Variants in PIGN observed in about 807,000 individuals in gnomAD.
The protein encoded by PIGN is GPI ethanolamine phosphate transferase 1.
Under a neutral mutation model 125.4 loss-of-function variants are expected in PIGN, and 117 were observed. The observed-to-expected ratio is 0.93, with a 90% CI of 0.80 to 1.09. The LOEUF (loss-of-function observed/expected upper bound fraction) is 1.09, where lower values mean the gene tolerates loss of function less well. PIGN is among the 50% of genes least tolerant of loss of function. The probability of loss-of-function intolerance (pLI) is 0.00; values close to 1 mark genes in which losing one functional copy is unlikely to be tolerated. For synonymous variants in PIGN, 392 were observed against 377.8 expected, an observed-to-expected ratio of 1.04 and a Z score of -0.44; for missense variants, 1,075 against 1,094.9, an observed-to-expected ratio of 0.98 and a Z score of 0.26.
At chr18:62,176,468 C>T (rs1256086723) in intron 1 of PIGN, among the ~76,000 whole-genome samples, 1 of 151,828 alleles carries the variant, frequency 6.6e-6, no homozygotes. Flanking sequence ...AAAATACTAA[C>T]AATGGAGAAA....
intron 30 of PIGN, among the ~76,000 whole-genome samples, chr18:62,063,707 T>C (rs2032334645): frequency 6.7e-6 from 1 of 149,332 alleles, no homozygotes; most frequent in Non-Finnish European, 1.5e-5. Flanking sequence ...GACAGACATA[T>C]GAAAATGTGG....
At chr18:62,077,250 T>A (rs2033220160) in intron 28 of PIGN, among the ~76,000 whole-genome samples, 2 of 152,018 alleles carry the variant, frequency 1.3e-5, no homozygotes, top group South Asian at 2.1e-4. Flanking sequence ...TGGTGGCACA[T>A]GCCTGTAAGC....
intron 23 of PIGN, among the ~76,000 whole-genome samples, chr18:62,092,405 TG>T (rs1568166032): frequency 1.3e-5 from 2 of 152,038 alleles, no homozygotes; most frequent in African/African-American, 4.8e-5. Context: ...TCACACCCAA[TG>T]GCCCAAATAC....
At chr18:62,022,577 C>A (rs149140795) in intron 23 of PIGN, among the ~76,000 whole-genome samples, 17 of 152,274 alleles carry the variant, frequency 1.1e-4, no homozygotes, top group South Asian at 4.1e-4. Context: ...ATTAAACACT[C>A]TTAATAGTCA....
At chr18:62,168,256 C>T (rs1165077451) in intron 1 of PIGN, among the ~76,000 whole-genome samples, 1 of 152,064 alleles carries the variant, frequency 6.6e-6, no homozygotes, top group Admixed American at 6.5e-5. Flanking sequence ...TATGTCCCAA[C>T]TATGGAATCA....
At chr18:62,146,780 T>C (rs2036344396) in intron 9 of PIGN, among the ~76,000 whole-genome samples, 191 bp downstream of exon 9, 2 of 152,206 alleles carry the variant, frequency 1.3e-5, no homozygotes, top group African/African-American at 2.4e-5. Context: ...AATATATTCG[T>C]TTTTTAGTTA....
intron 28 of PIGN, among the ~76,000 whole-genome samples, chr18:62,080,236 GA>G (rs1170514139): frequency 1.3e-5 from 2 of 152,082 alleles, no homozygotes; most frequent in Non-Finnish European, 2.9e-5. Context: ...ATCCCTTTCA[GA>G]TCTTATATGG....
downstream of PIGN, among the ~76,000 whole-genome samples, chr18:62,038,473 G>T (rs896198026): frequency 6.6e-6 from 1 of 152,130 alleles, no homozygotes; most frequent in African/African-American, 2.4e-5. Flanking sequence ...TCTTGTGTGG[G>T]TTGGATGTGC....
chr18:62,146,621 G>C (rs1275745671), intron 9 of PIGN, among the ~76,000 whole-genome samples: 1 of 152,116 alleles, frequency 6.6e-6, no homozygotes, highest in Non-Finnish European at 1.5e-5. Flanking sequence ...GCTTACCCGG[G>C]ACAGAATTTC....
intron 30 of PIGN, among the ~76,000 whole-genome samples, chr18:62,049,638 A>C (rs2031083439): frequency 1.4e-5 from 2 of 146,126 alleles, no homozygotes; most frequent in African/African-American, 4.9e-5. Context: ...ATTTTCTCCC[A>C]TGTTGTAGGT....
rs2032950736 is a variant in PIGN at position 62,072,700 on chromosome 18, T to TGGCA, written c.2644_2645insTGCC (p.Tyr882LeufsTer7). ...TGTCCCAATATCAAGCCAGCTGCCA[T>TGGCA]AATCCTTGACCAAGAAGAAAAAATG... On this transcript the variant is annotated frameshift_variant, in exon 30 of 31. Transcript: ENST00000640252. LOFTEE classifies it high-confidence loss of function. 5.6e-6 allele frequency: 9 copies of TGGCA among 1,597,388 alleles called. No homozygotes were observed. Among genetic ancestry groups the TGGCA allele is most frequent in the Non-Finnish European group, 7.7e-6 (9 of 1,172,998 alleles).
chr18:62,146,177 T>C (rs1375930936), intron 9 of PIGN, among the ~76,000 whole-genome samples, 152 bp from the exon 10 acceptor site: 3 of 152,214 alleles, frequency 2.0e-5, no homozygotes, highest in Non-Finnish European at 4.4e-5. Flanking sequence ...TTTATGGCAA[T>C]TAGTTTGACA....
rs761896011 is a variant in PIGN at position 62,074,833 on chromosome 18, AAG to A, written c.2577-14_2577-13del. The A allele has an allele frequency of 1.4e-5, 22 of 1,595,948 alleles. No individual in the cohort carries two copies. The African/African-American group carries it at 2.7e-4, about 19-fold the overall frequency. Reference sequence around the variant, plus strand: ...CAATGAGAAAAAGGCTGGAAAAAAAAAGAAGGAAAAATTACATCTAATACAAC... The same window carrying A: ...CAATGAGAAAAAGGCTGGAAAAAAAAAAGGAAAAATTACATCTAATACAAC... On this transcript the variant is annotated splice_polypyrimidine_tract_variant and intron_variant, in intron 28 of 30. Transcript: ENST00000640252.
intron 23 of PIGN, among the ~76,000 whole-genome samples, chr18:62,094,813 G>T (rs1386376909): frequency 1.3e-5 from 2 of 152,142 alleles, no homozygotes; most frequent in Non-Finnish European, 2.9e-5. Flanking sequence ...TGGTTAGGCA[G>T]GGGGAAGGGA....
In PIGN at chr18:62,062,882, C is replaced by CTTTTTTTTTTTTTTTTTTTTTTTTTTT. The variant is rs71160811; in HGVS notation, c.2672+9764_2672+9790dup. ...ATTTGTTTTATGCTTTTGTATTCTGCTTTTTTTTTTTTTTTTTTTTTTTTT... is the reference window on the plus strand; with the variant it reads ...ATTTGTTTTATGCTTTTGTATTCTGCTTTTTTTTTTTTTTTTTTTTTTTTTTTTTTTTTTTTTTTTTTTTTTTTTTTT... On this transcript the variant is annotated intron_variant, in intron 30 of 30. Transcript: ENST00000640252. 1.6e-3 allele frequency among the ~76,000 whole-genome samples: 34 copies of CTTTTTTTTTTTTTTTTTTTTTTTTTTT among 21,068 alleles called. 2 individuals carry two copies. Among genetic ancestry groups the CTTTTTTTTTTTTTTTTTTTTTTTTTTT allele is most frequent in the East Asian group, 6.5e-3 (4 of 618 alleles). The allele number at this position is 21,068 out of a possible 152,430, so 13.8% of individuals were successfully genotyped here. A position where few individuals can be genotyped will look rare whatever the true frequency, so the allele number is the denominator to read the frequency against.
intron 23 of PIGN, among the ~76,000 whole-genome samples, chr18:62,022,368 T>A (rs1409927339): frequency 6.6e-6 from 1 of 152,230 alleles, no homozygotes; most frequent in African/African-American, 2.4e-5. Flanking sequence ...ACTGAAAGCA[T>A]TAATTTTCAC....
At position 62,161,057 on chromosome 18, in the gene PIGN, T is replaced by C. The variant is rs941817477; in HGVS notation, c.221+76A>G. ...ACCCCTGTGCCCAGTGCATGATAAA[T>C]AGTAAGATATTTTGCAGTTTACTTA... On this transcript the variant is annotated intron_variant, in intron 4 of 30. Coordinates refer to ENST00000640252, the MANE Select transcript of PIGN (RefSeq NM_176787.5). 2.8e-5 allele frequency: 25 copies of C among 906,008 alleles called. No individual in the cohort carries two copies. The African/African-American group carries it at 3.3e-4, about 12-fold the overall frequency. The allele number at this position is 906,008 out of a possible 1,614,324, so 56.1% of individuals were successfully genotyped here.
rs370913275 is a variant in PIGN at position 62,081,785 on chromosome 18, A to T, written c.2576+888T>A. Among the ~76,000 whole-genome samples the T allele has an allele frequency of 1.6e-4, 24 of 152,288 alleles. No homozygotes were observed. The East Asian group carries it at 4.1e-3, about 26-fold the overall frequency. On this transcript the variant is annotated intron_variant, in intron 28 of 30. Coordinates refer to ENST00000640252, the MANE Select transcript of PIGN (RefSeq NM_176787.5). Reference sequence around the variant, plus strand: ...ATATTGACAAGGCATAAATACTTTCAATATTAAATTCATGTAAATATCCTG... The same window carrying T: ...ATATTGACAAGGCATAAATACTTTCTATATTAAATTCATGTAAATATCCTG...
At chr18:62,119,630 G>T (rs1026321442) in intron 14 of PIGN, among the ~76,000 whole-genome samples, 1 of 152,104 alleles carries the variant, frequency 6.6e-6, no homozygotes, top group African/African-American at 2.4e-5. Context: ...GATCACTTGA[G>T]GTCAGGAGTT....
Sources: allele counts gnomAD v4.1 joint callset (sites outside exome capture counted in the v4.1 genomes callset), GRCh38; gene constraint gnomAD v4.1.1; transcripts MANE v1.5; gene names NCBI Gene and HGNC (gene_info 2026-07-23, HGNC 2026-07-21).